UQCC1: variants seen among roughly 807,000 people sequenced by gnomAD.
UQCC1 encodes bFGF-repressed Zic-binding protein.
Under a neutral mutation model 48.0 loss-of-function variants are expected in UQCC1, and 38 were observed. The observed-to-expected ratio is 0.79, with a 90% CI of 0.61 to 1.04. The LOEUF is 1.04. Among genes scored for constraint, UQCC1 ranks in the 50% least tolerant of loss-of-function variants. The pLI is 0.00. For missense variants in UQCC1, 368 were observed against 381.8 expected (o/e 0.96, Z 0.30); for synonymous variants, 111 against 129.2 (o/e 0.86, Z 0.95).
At chr20:35,383,681 T>C (rs1407834861) in intron 3 of UQCC1, among the ~76,000 whole-genome samples, 1 of 152,030 alleles carries the variant, frequency 6.6e-6, no homozygotes, top group Non-Finnish European at 1.5e-5. Context: ...GAGACCCTGG[T>C]CTCTACAAAA....
At chr20:35,340,410 G>A (rs2061364314) in intron 7 of UQCC1, among the ~76,000 whole-genome samples, 1 of 152,158 alleles carries the variant, frequency 6.6e-6, no homozygotes, top group African/African-American at 2.4e-5. Context: ...AACAGCTCAG[G>A]CCATTTTAGA....
At chr20:35,375,777 G>A (rs754573665) in intron 4 of UQCC1, among the ~76,000 whole-genome samples, 1 of 151,374 alleles carries the variant, frequency 6.6e-6, no homozygotes, top group Non-Finnish European at 1.5e-5. Context: ...ATGGCAAAAC[G>A]TTTCCATCTC....
At chr20:35,304,798 C>T (rs1344115580) in intron 9 of UQCC1, 2 of 152,186 alleles carry the variant, frequency 1.3e-5, no homozygotes, top group Non-Finnish European at 2.9e-5. Context: ...TTAGGTCATT[C>T]CCCCTTCCAA....
Sources: allele counts gnomAD v4.1 joint callset (sites outside exome capture counted in the v4.1 genomes callset), GRCh38; gene constraint gnomAD v4.1.1; transcripts MANE v1.5; gene names NCBI Gene and HGNC (gene_info 2026-07-23, HGNC 2026-07-21).